The following USF2 variants were observed in gnomAD, a reference collection of about 807,000 sequenced individuals.
USF2 encodes upstream stimulatory factor 2.
In USF2, 16 loss-of-function variants were observed where a neutral mutation model predicts 46.9. The observed-to-expected ratio is 0.34, with a 90% CI of 0.23 to 0.52. USF2 has a LOEUF of 0.52. Among genes scored for constraint, USF2 ranks in the 20% least tolerant of loss-of-function variants. The probability of loss-of-function intolerance (pLI) is 0.96; values close to 1 mark genes in which losing one functional copy is unlikely to be tolerated. For missense variants in USF2, 411 were observed against 474.0 expected, an observed-to-expected ratio of 0.87 and a Z score of 1.23; for synonymous variants, 239 against 194.1, an observed-to-expected ratio of 1.23 and a Z score of -1.92.
chr19:35,279,291 G>A lies in USF2; in HGVS notation c.*35G>A, dbSNP rs757736805. The A allele has an allele frequency of 1.1e-5, 16 of 1,469,430 alleles. No individual in the cohort carries two copies. In the African/African-American group the frequency reaches 1.4e-4, roughly 13 times the overall value. The allele number at this position is 1,469,430 out of a possible 1,614,324, so 91.0% of individuals were successfully genotyped here. On this transcript the variant is annotated 3_prime_UTR_variant, in exon 10 of 10. Transcript: ENST00000222305. The stretch of plus-strand genomic sequence containing the variant: ...CCACCACGCAGCCGCCGCCGCCCAC[G>A]CCGGCCTCTGCTGCCCCCTTCCCCA...
intron 1 of USF2, 115 bp from the exon 2 acceptor site, chr19:35,269,331 C>T (rs1485409083): frequency 4.3e-6 from 4 of 934,408 alleles, no homozygotes; most frequent in East Asian, 2.2e-4. Flanking sequence ...CCGGCCTCGG[C>T]GGCGCCCCCG....
At chr19:35,270,177 C>T (rs535308077) in intron 4 of USF2, 174 bp downstream of exon 4, 50 of 966,982 alleles carry the variant, frequency 5.2e-5, no homozygotes, top group Non-Finnish European at 6.7e-5. Flanking sequence ...GGGGACAGTG[C>T]TCTTGGAATT....
intron 6 of USF2, 23 bp from the exon 7 acceptor site, chr19:35,271,060 C>CT (rs561899149): frequency 1.3e-4 from 207 of 1,585,186 alleles, no homozygotes; most frequent in East Asian, 3.2e-4. Context: ...TACATGCCCC[C>CT]TTTTTTTTTC....
At chr19:35,274,832 GTGATC>G (rs2066209770) in intron 7 of USF2, among the ~76,000 whole-genome samples, 1 of 152,230 alleles carries the variant, frequency 6.6e-6, no homozygotes, top group Non-Finnish European at 1.5e-5. Flanking sequence ...GGGGCCCCCA[GTGATC>G]TGGGGCATGT....
chr19:35,270,244 G>T, intron 4 of USF2: 1 of 936,510 alleles, frequency 1.1e-6, no homozygotes, highest in Non-Finnish European at 1.5e-6. Context: ...CTTAGAGTGC[G>T]AAACGGATTT....
intron 7 of USF2, among the ~76,000 whole-genome samples, chr19:35,272,235 G>A (rs550898488): frequency 7.9e-5 from 12 of 152,276 alleles, no homozygotes; most frequent in Admixed American, 4.6e-4. Context: ...AGCTCTCTGT[G>A]CGCGTTCTGG....
In USF2 at chr19:35,279,094, C is replaced by A; in HGVS notation, c.951+20C>A. On this transcript the variant is annotated intron_variant, in intron 9 of 9. Transcript: ENST00000222305. ...CAGCAGGTGGGTGCGGGGCCTGGAG[C>A]GGGTCAGGGCCCAGGAGCCCCAGAT... The A allele has an allele frequency of 6.2e-7, 1 of 1,612,368 alleles. No homozygotes were observed.
Position 35,270,817 on chromosome 19 carries a change from G to A in USF2, c.668+12G>A. On this transcript the variant is annotated intron_variant, in intron 6 of 9. Transcript: ENST00000222305. ...CACCCTTACTCTCCGTATGTGCAGG[G>A]GACACCTGGAGGGCCTGGTGTTGAA... 1 of 1,614,088 alleles carries A rather than the reference G, an allele frequency of 6.2e-7. No homozygotes were observed. The highest frequency in any genetic ancestry group is 1.1e-5 in the South Asian group (1 of 91,080).
At position 35,279,431 on chromosome 19, in the gene USF2, C is replaced by T; in HGVS notation, c.*175C>T. ...TTTCTGTGGATACAGTGCCCACCGC[C>T]CTCCTCCACTTGGAAACGGTATCCT... On this transcript the variant is annotated 3_prime_UTR_variant, in exon 10 of 10. Coordinates refer to ENST00000222305, the MANE Select transcript of USF2 (RefSeq NM_003367.4). The T allele has an allele frequency of 3.0e-6, 2 of 676,912 alleles. No homozygotes were observed. Among genetic ancestry groups the T allele is most frequent in the East Asian group, 6.5e-5 (2 of 30,802 alleles). The allele number at this position is 676,912 out of a possible 1,614,324, so 41.9% of individuals were successfully genotyped here. A position where few individuals can be genotyped will look rare whatever the true frequency, so the allele number is the denominator to read the frequency against.
chr19:35,274,029 C>T (rs2066197412), intron 7 of USF2, among the ~76,000 whole-genome samples: 1 of 152,152 alleles, frequency 6.6e-6, no homozygotes, highest in African/African-American at 2.4e-5. Context: ...CCTTGATGTC[C>T]TCCCAGGCTT....
intron 7 of USF2, among the ~76,000 whole-genome samples, chr19:35,272,094 C>T (rs1005695218): frequency 3.9e-5 from 6 of 152,060 alleles, no homozygotes; most frequent in African/African-American, 7.3e-5. Flanking sequence ...GGTCTGTGGC[C>T]CAGGTAGTTG....
intron 7 of USF2, chr19:35,278,367 C>T: frequency 7.3e-6 from 2 of 274,120 alleles, no homozygotes; most frequent in Non-Finnish European, 7.1e-6. Flanking sequence ...ATGCCAATTA[C>T]CATGAGAAAT....
At chr19:35,273,882 T>A (rs911262596) in intron 7 of USF2, among the ~76,000 whole-genome samples, 7 of 152,186 alleles carry the variant, frequency 4.6e-5, no homozygotes, top group Non-Finnish European at 7.4e-5. Flanking sequence ...CGGCCTCAGG[T>A]GTATGACTTG....
chr19:35,279,113 C>A lies in USF2; in HGVS notation c.951+39C>A, dbSNP rs2066275390. On this transcript the variant is annotated intron_variant, in intron 9 of 9. Transcript: ENST00000222305. ...CTGGAGCGGGTCAGGGCCCAGGAGC[C>A]CCAGATGCAAGGCGCTGGCCCTCAG... 8 of 1,613,128 alleles carry A rather than the reference C, an allele frequency of 5.0e-6. 1 individual carries two copies. Among genetic ancestry groups the A allele is most frequent in the Middle Eastern group, 1.7e-4 (1 of 6,060 alleles).
At position 35,269,811 on chromosome 19, in the gene USF2, C is replaced by T. The variant is rs2066120616; in HGVS notation, c.237C>T (p.Tyr79=). The change falls in exon 4 of 10, where the codon TAC becomes TAT. Residue 79 remains tyrosine, a synonymous_variant. Coordinates refer to ENST00000222305, the MANE Select transcript of USF2 (RefSeq NM_003367.4). ...TCTGCCGCCCCCTGCAGGTGACATA[C>T]CGCGTAGTCCAGGTGACTGATGGTC... ...RTETNGGQVT[Y]RVVQVTDGQL... 3.4e-6 allele frequency: 5 copies of T among 1,490,276 alleles called. No homozygotes were observed. Among genetic ancestry groups the T allele is most frequent in the Non-Finnish European group, 4.4e-6 (5 of 1,124,140 alleles). The allele number at this position is 1,490,276 out of a possible 1,614,324, so 92.3% of individuals were successfully genotyped here.
At position 35,278,926 on chromosome 19, in the gene USF2, C is replaced by A. The variant is rs763535196; in HGVS notation, c.823-20C>A. On this transcript the variant is annotated intron_variant, in intron 8 of 9. Coordinates refer to ENST00000222305, the MANE Select transcript of USF2 (RefSeq NM_003367.4). ...GTGGGCGGTGCCTGCCCTAAGGCTC[C>A]TGGTCCCCTCGCCCCCCAGAGTAAA... 6.4e-7 allele frequency: 1 copy of A among 1,560,666 alleles called. No homozygotes were observed. The highest frequency in any genetic ancestry group is 2.2e-5 in the East Asian group (1 of 44,460).
intron 7 of USF2, among the ~76,000 whole-genome samples, chr19:35,276,514 C>T (rs2066235596): frequency 6.6e-6 from 1 of 152,064 alleles, no homozygotes; most frequent in Non-Finnish European, 1.5e-5. Context: ...AATGTCAGGG[C>T]CTGGATTCAA....
At position 35,278,549 on chromosome 19, in the gene USF2, A is replaced by G. The variant is rs2066265759; in HGVS notation, c.728-149A>G. 12 of 755,704 alleles carry G rather than the reference A, an allele frequency of 1.6e-5. No homozygotes were observed. The South Asian group carries it at 1.9e-4, about 12-fold the overall frequency. The allele number at this position is 755,704 out of a possible 1,614,324, so 46.8% of individuals were successfully genotyped here. On this transcript the variant is annotated intron_variant, in intron 7 of 9. Coordinates refer to ENST00000222305, the MANE Select transcript of USF2 (RefSeq NM_003367.4). The stretch of plus-strand genomic sequence containing the variant: ...GCTGGGGTGGGGGCCGGCTGGGCTC[A>G]GGGTGCGGCCCCTCACTTCCCAGGG...
chr19:35,277,953 A>G (rs2066257524), intron 7 of USF2: 2 of 152,260 alleles, frequency 1.3e-5, no homozygotes, highest in African/African-American at 4.8e-5. Context: ...CACAGTTGGC[A>G]TGAGATTGTG....
Sources: gnomAD v4.1 joint callset for allele counts (sites outside exome capture counted in the v4.1 genomes callset) on GRCh38, gnomAD v4.1.1 for gene constraint, MANE v1.5 for transcripts, NCBI Gene and HGNC (gene_info 2026-07-23, HGNC 2026-07-21) for gene names.